The following PIK3C2G variants were observed in gnomAD, a reference collection of about 807,000 sequenced individuals.
PIK3C2G encodes phosphatidylinositol 3-kinase C2 domain-containing subunit gamma.
PIK3C2G carries 168 observed loss-of-function variants against 181.1 expected under a neutral mutation model. That is an observed-to-expected ratio of 0.93 (90% CI 0.82 to 1.05). The LOEUF is 1.05. Among genes scored for constraint, PIK3C2G ranks in the 50% least tolerant of loss-of-function variants. PIK3C2G has a pLI of 0.00. For missense variants in PIK3C2G, 1,869 were observed against 1,732.8 expected, an observed-to-expected ratio of 1.08 and a Z score of -1.40; for synonymous variants, 573 against 592.2, an observed-to-expected ratio of 0.97 and a Z score of 0.47.
chr12:18,512,663 G>C (rs1942284215), intron 24 of PIK3C2G, among the ~76,000 whole-genome samples: 1 of 151,806 alleles, frequency 6.6e-6, no homozygotes, highest in Admixed American at 6.6e-5. Flanking sequence ...TGCAACTTTA[G>C]TGAATTCCTT....
the PIK3C2G span, among the ~76,000 whole-genome samples, chr12:18,662,479 A>C: frequency 6.6e-6 from 1 of 152,120 alleles, no homozygotes; most frequent in Non-Finnish European, 1.5e-5. Context: ...CACACTTTGA[A>C]ATAAAAGAGC....
chr12:18,469,109 T>C lies in PIK3C2G; in HGVS notation c.2505-19340T>C, dbSNP rs186570403. ...ACCCAGATTGCTTCAATCAGCTAAT[T>C]AGACAAAGCCATTGTATAGTATTTT... On this transcript the variant is annotated intron_variant, in intron 18 of 32. Coordinates refer to ENST00000538779, the MANE Select transcript of PIK3C2G (RefSeq NM_001288772.2). Among the ~76,000 whole-genome samples the C allele has an allele frequency of 7.8e-4, 119 of 152,250 alleles. 1 individual carries two copies. Among genetic ancestry groups the C allele is most frequent in the Admixed American group, 7.7e-3 (118 of 15,272 alleles).
At chr12:18,573,613 A>G (rs1946086004) in intron 29 of PIK3C2G, among the ~76,000 whole-genome samples, 1 of 152,206 alleles carries the variant, frequency 6.6e-6, no homozygotes, top group Non-Finnish European at 1.5e-5. Context: ...ACTTTCCAGC[A>G]AAGTTTAAAA....
chr12:18,563,628 C>A (rs1018529339), intron 28 of PIK3C2G, 130 bp downstream of exon 28: 4 of 742,536 alleles, frequency 5.4e-6, no homozygotes, highest in Non-Finnish European at 8.4e-6. Context: ...TGAATCTATC[C>A]CAGCAGAGAG....
the PIK3C2G span, among the ~76,000 whole-genome samples, chr12:18,655,473 T>C: frequency 5.3e-5 from 8 of 152,200 alleles, no homozygotes; most frequent in South Asian, 2.1e-4. Context: ...TTTATGGAGA[T>C]GTTGCACCTG....
At chr12:18,331,957 T>C (rs192051582) in intron 8 of PIK3C2G, among the ~76,000 whole-genome samples, 1 of 152,280 alleles carries the variant, frequency 6.6e-6, no homozygotes, top group South Asian at 2.1e-4. Context: ...TTTCAAATTT[T>C]AAAAATCTTT....
At chr12:18,381,327 A>G (rs998549370) in intron 13 of PIK3C2G, among the ~76,000 whole-genome samples, 4 of 152,072 alleles carry the variant, frequency 2.6e-5, no homozygotes, top group Non-Finnish European at 5.9e-5. Flanking sequence ...TAAATTTAGA[A>G]CTTGTATCTT....
the PIK3C2G span, chr12:18,683,690 T>C: frequency 3.4e-6 from 4 of 1,188,912 alleles, no homozygotes; most frequent in Non-Finnish European, 4.5e-6. Context: ...TAAATCACCC[T>C]GGAAAGGTGA....
chr12:18,486,408 G>A (rs1278682401), intron 18 of PIK3C2G, among the ~76,000 whole-genome samples: 1 of 152,082 alleles, frequency 6.6e-6, no homozygotes, highest in Admixed American at 6.6e-5. Flanking sequence ...GAACCAGAGA[G>A]AAGCAAATAC....
At chr12:18,460,170 T>C (rs533174245) in intron 18 of PIK3C2G, among the ~76,000 whole-genome samples, 10 of 152,310 alleles carry the variant, frequency 6.6e-5, no homozygotes, top group African/African-American at 2.4e-4. Context: ...CAAATTTGAA[T>C]CTGACACTTA....
At chr12:18,668,223 C>A in the PIK3C2G span, among the ~76,000 whole-genome samples, 1 of 152,134 alleles carries the variant, frequency 6.6e-6, no homozygotes, top group African/African-American at 2.4e-5. Flanking sequence ...CAGAATATCA[C>A]AGTAAGCCCA....
Position 18,431,210 on chromosome 12 carries a change from A to C in PIK3C2G, c.2504+7171A>C, listed in dbSNP as rs78981648. Among the ~76,000 whole-genome samples the C allele has an allele frequency of 7.4e-3, 1,131 of 152,288 alleles. 15 individuals are homozygous for C. Among genetic ancestry groups the C allele is most frequent in the African/African-American group, 0.026 (1,095 of 41,544 alleles). On this transcript the variant is annotated intron_variant, in intron 18 of 32. Transcript: ENST00000538779. Reference sequence around the variant, plus strand: ...CTAATATGAAAATATATATATTCTGAACCTAATGATTATGGGAATTAGTTT... The same window carrying C: ...CTAATATGAAAATATATATATTCTGCACCTAATGATTATGGGAATTAGTTT...
chr12:18,550,268 C>G (rs563192895), intron 26 of PIK3C2G, among the ~76,000 whole-genome samples: 2 of 152,010 alleles, frequency 1.3e-5, no homozygotes, highest in African/African-American at 4.8e-5. Flanking sequence ...ATTTCTGAAA[C>G]AAATTATGTA....
rs150869628 is a variant in PIK3C2G, at chr12:18,353,596, T to C, written c.1625+6760T>C. ...AGGCTTGCATGGTGGCCATTAAAGC[T>C]TCTGCCTCTTTCTTGTGTCCCCCCA... On this transcript the variant is annotated intron_variant, in intron 11 of 32. Coordinates refer to ENST00000538779, the MANE Select transcript of PIK3C2G (RefSeq NM_001288772.2). Among the ~76,000 whole-genome samples the C allele has an allele frequency of 3.2e-3, 483 of 152,278 alleles. 2 individuals are homozygous for C. The highest frequency in any genetic ancestry group is 0.011 in the African/African-American group (447 of 41,570).
the PIK3C2G span, among the ~76,000 whole-genome samples, chr12:18,669,434 A>G: frequency 1.3e-5 from 2 of 152,262 alleles, no homozygotes; most frequent in African/African-American, 2.4e-5. Flanking sequence ...AATTCATATT[A>G]TCAGTGAGAG....
chr12:18,680,379 C>T, the PIK3C2G span, among the ~76,000 whole-genome samples: 32 of 152,026 alleles, frequency 2.1e-4, 1 homozygote, highest in Admixed American at 2.0e-3. Flanking sequence ...TCCCTTATAT[C>T]CAACATTTAA....
At chr12:18,344,126 G>A (rs1302538396) in intron 10 of PIK3C2G, among the ~76,000 whole-genome samples, 1 of 152,028 alleles carries the variant, frequency 6.6e-6, no homozygotes, top group Non-Finnish European at 1.5e-5. Context: ...GATCGTTCTT[G>A]GTTGTAGATG....
chr12:18,311,068 T>C (rs1190935494), intron 5 of PIK3C2G, among the ~76,000 whole-genome samples: 1 of 152,036 alleles, frequency 6.6e-6, no homozygotes, highest in Non-Finnish European at 1.5e-5. Flanking sequence ...GAGTAAAATT[T>C]GGATGTATCC....
At chr12:18,331,070 A>T (rs1417326905) in intron 8 of PIK3C2G, among the ~76,000 whole-genome samples, 1 of 151,934 alleles carries the variant, frequency 6.6e-6, no homozygotes, top group Non-Finnish European at 1.5e-5. Context: ...GTAGTTCTAG[A>T]CCCCCTGTTC....
Sources: gnomAD v4.1 joint callset for allele counts (sites outside exome capture counted in the v4.1 genomes callset) on GRCh38, gnomAD v4.1.1 for gene constraint, MANE v1.5 for transcripts, NCBI Gene and HGNC (gene_info 2026-07-23, HGNC 2026-07-21) for gene names.